Variants in DOCK4 observed in about 807,000 individuals in gnomAD.
The protein encoded by DOCK4 is dedicator of cytokinesis 4.
Under a neutral mutation model 268.1 loss-of-function variants are expected in DOCK4, and 97 were observed. The observed-to-expected ratio is 0.36, with a 90% CI of 0.31 to 0.43. The LOEUF is 0.43. Ranked by LOEUF, DOCK4 falls within the 20% of genes least tolerant of loss-of-function variation. The pLI is 1.00. For missense variants in DOCK4, 2,145 were observed against 2,455.7 expected (o/e 0.87, Z 2.67); for synonymous variants, 954 against 887.2 (o/e 1.08, Z -1.34).
chr7:111,782,283 T>G (rs1798831207), intron 35 of DOCK4, among the ~76,000 whole-genome samples: 1 of 152,206 alleles, frequency 6.6e-6, no homozygotes, highest in Non-Finnish European at 1.5e-5. Context: ...TGTTTAATTT[T>G]ACTCTCAAAA....
rs918018287 is a variant in DOCK4, at chr7:112,020,868, C to T, written c.38-16737G>A. 9.2e-5 allele frequency among the ~76,000 whole-genome samples: 14 copies of T among 152,326 alleles called. 1 individual carries two copies. The highest frequency in any genetic ancestry group is 4.1e-4 in the South Asian group (2 of 4,820). ...GGTAAAACATGATCTAATCCTAACA[C>T]ATGATCTAATCCAAATTTCATTTGG... On this transcript the variant is annotated intron_variant, in intron 1 of 52. Transcript: ENST00000428084.
chr7:112,019,257 C>T (rs1395813054), intron 1 of DOCK4, among the ~76,000 whole-genome samples: 6 of 151,998 alleles, frequency 3.9e-5, no homozygotes, highest in Admixed American at 1.3e-4. Context: ...TTCCCATTAA[C>T]AAAAAGAAGA....
chr7:111,904,247 G>A (rs544131974), intron 13 of DOCK4, among the ~76,000 whole-genome samples: 13 of 152,300 alleles, frequency 8.5e-5, no homozygotes, highest in Admixed American at 6.5e-4. Context: ...AGCATCTCCT[G>A]TATGCTAGAT....
intron 1 of DOCK4, among the ~76,000 whole-genome samples, chr7:112,147,783 G>A (rs377560008): frequency 8.7e-4 from 126 of 144,802 alleles, no homozygotes; most frequent in African/African-American, 2.9e-3. Flanking sequence ...CAATTCCCAG[G>A]AGCAAACGTA....
chr7:111,934,691 G>T (rs1486811505), intron 12 of DOCK4, among the ~76,000 whole-genome samples: 1 of 147,838 alleles, frequency 6.8e-6, no homozygotes, highest in Non-Finnish European at 1.5e-5. Context: ...CACCATGCCC[G>T]GCTAATTTTT....
At chr7:111,782,620 G>T (rs141252064) in intron 35 of DOCK4, among the ~76,000 whole-genome samples, 1 of 152,112 alleles carries the variant, frequency 6.6e-6, no homozygotes, top group Admixed American at 6.5e-5. Context: ...GATCCCACAC[G>T]GGTCTCCTAT....
chr7:111,933,537 C>T (rs1794447532), intron 12 of DOCK4, among the ~76,000 whole-genome samples: 1 of 151,732 alleles, frequency 6.6e-6, no homozygotes, highest in African/African-American at 2.4e-5. Flanking sequence ...CCTTGTGATC[C>T]ACCCGCCTTG....
At chr7:112,119,863 T>C (rs1230073267) in intron 1 of DOCK4, among the ~76,000 whole-genome samples, 29 of 151,578 alleles carry the variant, frequency 1.9e-4, no homozygotes, top group Admixed American at 1.6e-3. Flanking sequence ...TTTTTTTTTT[T>C]CCGAGATGGA....
chr7:111,961,165 T>C (rs143034534), intron 8 of DOCK4, among the ~76,000 whole-genome samples: 2,528 of 152,268 alleles, frequency 0.017, 38 homozygotes, highest in Middle Eastern at 0.044. Context: ...TGGCAGCTGA[T>C]CTTGTTTCCC....
At chr7:111,952,324 T>A (rs1586477725) in intron 8 of DOCK4, among the ~76,000 whole-genome samples, 1 of 152,134 alleles carries the variant, frequency 6.6e-6, no homozygotes, top group African/African-American at 2.4e-5. Context: ...GCAAATAATA[T>A]AGGAGGCACA....
At chr7:111,746,806 G>C (rs1563445688) in intron 43 of DOCK4, among the ~76,000 whole-genome samples, 2 of 133,616 alleles carry the variant, frequency 1.5e-5, no homozygotes, top group Non-Finnish European at 3.1e-5. Context: ...AAGCAAGATC[G>C]GTCTTATCTT....
At chr7:112,040,546 C>CTGAG (rs1246053426) in intron 1 of DOCK4, among the ~76,000 whole-genome samples, 1 of 152,050 alleles carries the variant, frequency 6.6e-6, no homozygotes, top group Non-Finnish European at 1.5e-5. Context: ...AACACAGATG[C>CTGAG]TGAGGTATGG....
intron 1 of DOCK4, among the ~76,000 whole-genome samples, chr7:112,078,679 T>C (rs997057229): frequency 1.3e-5 from 2 of 152,154 alleles, no homozygotes; most frequent in Non-Finnish European, 2.9e-5. Context: ...CTTGGACATC[T>C]ACTCAAGCCA....
chr7:111,811,712 C>T (rs1220582510), intron 28 of DOCK4, among the ~76,000 whole-genome samples, 162 bp downstream of exon 28: 2 of 152,108 alleles, frequency 1.3e-5, no homozygotes, highest in East Asian at 1.9e-4. Context: ...TCCTTTTAAG[C>T]GCTATGTGAA....
At chr7:111,806,114 T>C (rs909671826) in intron 30 of DOCK4, among the ~76,000 whole-genome samples, 2 of 152,224 alleles carry the variant, frequency 1.3e-5, no homozygotes, top group Non-Finnish European at 2.9e-5. Flanking sequence ...ATAAACTTAG[T>C]CAAATTGAAT....
intron 36 of DOCK4, among the ~76,000 whole-genome samples, chr7:111,773,135 G>A (rs1274610210): frequency 2.0e-5 from 3 of 152,220 alleles, no homozygotes; most frequent in Non-Finnish European, 4.4e-5. Flanking sequence ...TTTGAGAAGT[G>A]TATTACAAGG....
At chr7:112,067,825 T>C (rs1338689369) in intron 1 of DOCK4, among the ~76,000 whole-genome samples, 1 of 152,186 alleles carries the variant, frequency 6.6e-6, no homozygotes, top group East Asian at 1.9e-4. Context: ...ATTACTGCCA[T>C]GGAAAACTAC....
intron 1 of DOCK4, among the ~76,000 whole-genome samples, chr7:112,129,977 C>T (rs1406236150): frequency 1.3e-5 from 2 of 152,198 alleles, no homozygotes; most frequent in Non-Finnish European, 2.9e-5. Context: ...GCCATTCCCC[C>T]AGTGACAAGT....
At chr7:112,041,666 C>CTTT (rs1352001446) in intron 1 of DOCK4, among the ~76,000 whole-genome samples, 1 of 152,094 alleles carries the variant, frequency 6.6e-6, no homozygotes, top group African/African-American at 2.4e-5. Flanking sequence ...TTGAAAAAGA[C>CTTT]TTTTTAGTAA....
Sources: gnomAD v4.1 joint callset for allele counts (sites outside exome capture counted in the v4.1 genomes callset) on GRCh38, gnomAD v4.1.1 for gene constraint, MANE v1.5 for transcripts, NCBI Gene and HGNC (gene_info 2026-07-23, HGNC 2026-07-21) for gene names.